Variants in CADM2 observed in about 807,000 individuals in gnomAD.
The protein encoded by CADM2 is immunoglobulin superfamily member 4D.
CADM2 carries 12 observed loss-of-function variants against 49.8 expected under a neutral mutation model. The observed-to-expected ratio is 0.24, with a 90% CI of 0.15 to 0.39. The LOEUF is 0.39. Among genes scored for constraint, CADM2 ranks in the 10% least tolerant of loss-of-function variants. The pLI is 1.00. For synonymous variants in CADM2, 214 were observed against 175.4 expected (o/e 1.22, Z -1.74); for missense variants, 378 against 492.3 (o/e 0.77, Z 2.20).
chr3:85,566,204 T>C (rs2062249110), intron 1 of CADM2, among the ~76,000 whole-genome samples: 2 of 152,176 alleles, frequency 1.3e-5, no homozygotes, highest in African/African-American at 4.8e-5. Flanking sequence ...CGATTGAGTG[T>C]GATCTTATCT....
chr3:85,741,798 T>A lies in CADM2; in HGVS notation c.88+15250T>A, dbSNP rs12487111. ...TTTAATTTTGTATTCTCCTCTTTCA[T>A]TCACTTAAAAAATAAAATTGGAACT... On this transcript the variant is annotated intron_variant, in intron 2 of 9. Transcript: ENST00000383699. 2.4e-3 allele frequency among the ~76,000 whole-genome samples: 373 copies of A among 152,350 alleles called. 1 individual carries two copies. Among genetic ancestry groups the A allele is most frequent in the Middle Eastern group, 0.017 (5 of 294 alleles).
intron 1 of CADM2, among the ~76,000 whole-genome samples, chr3:85,185,566 C>G (rs2041041686): frequency 6.6e-6 from 1 of 151,972 alleles, no homozygotes; most frequent in Admixed American, 6.6e-5. Flanking sequence ...TAATGACTTA[C>G]CTTTAGACAC....
intron 1 of CADM2, among the ~76,000 whole-genome samples, chr3:85,326,917 CTA>C (rs767272492): frequency 5.3e-5 from 8 of 151,666 alleles, no homozygotes; most frequent in Admixed American, 1.3e-4. Context: ...TAATTAATGA[CTA>C]AAAGTTTTTC....
chr3:85,041,693 C>G (rs752181682), intron 1 of CADM2, among the ~76,000 whole-genome samples: 8 of 152,146 alleles, frequency 5.3e-5, no homozygotes, highest in Non-Finnish European at 1.0e-4. Flanking sequence ...TAAACCAGAT[C>G]CAATTCAGAG....
chr3:85,064,924 T>A (rs889643608), intron 1 of CADM2, among the ~76,000 whole-genome samples: 6 of 152,170 alleles, frequency 3.9e-5, no homozygotes, highest in African/African-American at 7.2e-5. Context: ...TGTCACTAAC[T>A]GGTTGTGTTT....
chr3:85,439,071 C>T (rs1290595746), intron 1 of CADM2, among the ~76,000 whole-genome samples: 1 of 151,440 alleles, frequency 6.6e-6, no homozygotes, highest in African/African-American at 2.4e-5. Flanking sequence ...TATCATGTAA[C>T]TGGAATTCAA....
chr3:85,816,825 A>G (rs1255017296), intron 3 of CADM2, among the ~76,000 whole-genome samples: 5 of 152,198 alleles, frequency 3.3e-5, no homozygotes, highest in Non-Finnish European at 5.9e-5. Flanking sequence ...TATATGTTAA[A>G]TAATATTAGC....
intron 1 of CADM2, among the ~76,000 whole-genome samples, chr3:85,310,833 T>C (rs1241691359): frequency 6.6e-6 from 1 of 152,146 alleles, no homozygotes; most frequent in Admixed American, 6.5e-5. Flanking sequence ...CAACCTGGAA[T>C]TGGGAAAGCT....
chr3:85,566,549 A>G (rs2062263888), intron 1 of CADM2, among the ~76,000 whole-genome samples: 1 of 152,156 alleles, frequency 6.6e-6, no homozygotes, highest in Admixed American at 6.5e-5. Context: ...AAAAACTCTC[A>G]GCGTGTGGAG....
At chr3:85,633,275 T>C (rs554536088) in intron 1 of CADM2, among the ~76,000 whole-genome samples, 1 of 152,240 alleles carries the variant, frequency 6.6e-6, no homozygotes, top group South Asian at 2.1e-4. Flanking sequence ...AAACTTTGTT[T>C]CCAGATTTAT....
At chr3:85,720,030 C>G (rs887713763) in intron 1 of CADM2, among the ~76,000 whole-genome samples, 1 of 151,932 alleles carries the variant, frequency 6.6e-6, no homozygotes, top group Admixed American at 6.6e-5. Context: ...TATGAAGTAT[C>G]TAATGTTCAA....
intron 1 of CADM2, among the ~76,000 whole-genome samples, chr3:85,651,984 C>A (rs1369408954): frequency 9.5e-6 from 1 of 105,464 alleles, no homozygotes; most frequent in Non-Finnish European, 1.9e-5. Flanking sequence ...CGCCCGGCTA[C>A]TTTTTTTTTT....
intron 2 of CADM2, among the ~76,000 whole-genome samples, chr3:85,784,970 T>G (rs1043264912): frequency 1.3e-5 from 2 of 152,186 alleles, no homozygotes; most frequent in African/African-American, 4.8e-5. Flanking sequence ...TACTTTTTAT[T>G]AATCTTTTCA....
At chr3:85,879,540 G>T (rs1249028924) in intron 3 of CADM2, among the ~76,000 whole-genome samples, 1 of 152,232 alleles carries the variant, frequency 6.6e-6, no homozygotes, top group African/African-American at 2.4e-5. Context: ...TAGGGAAGGT[G>T]CAGGTAATTT....
chr3:85,179,635 T>C (rs1292136124), intron 1 of CADM2, among the ~76,000 whole-genome samples: 1 of 152,076 alleles, frequency 6.6e-6, no homozygotes. Context: ...TAGAAAATAT[T>C]CAGGATGAGG....
intron 1 of CADM2, among the ~76,000 whole-genome samples, chr3:85,006,146 C>T (rs992079840): frequency 6.6e-6 from 1 of 152,112 alleles, no homozygotes; most frequent in South Asian, 2.1e-4. Flanking sequence ...ATCAACATTG[C>T]ATGCAGCTTT....
At chr3:85,604,811 A>C (rs1233703720) in intron 1 of CADM2, among the ~76,000 whole-genome samples, 1 of 151,976 alleles carries the variant, frequency 6.6e-6, no homozygotes, top group East Asian at 1.9e-4. Flanking sequence ...TAGAGGGCTT[A>C]GGGGGAATGC....
chr3:85,429,023 A>G (rs555409577), intron 1 of CADM2, among the ~76,000 whole-genome samples: 2 of 152,108 alleles, frequency 1.3e-5, no homozygotes, highest in South Asian at 4.1e-4. Context: ...TTTTGGTTTT[A>G]GTTTACTTGA....
At chr3:85,644,263 G>C (rs1308884715) in intron 1 of CADM2, among the ~76,000 whole-genome samples, 1 of 152,142 alleles carries the variant, frequency 6.6e-6, no homozygotes, top group African/African-American at 2.4e-5. Context: ...GAGGAAGAAA[G>C]AGAAAGAGTT....
Sources: gnomAD v4.1 joint callset for allele counts (sites outside exome capture counted in the v4.1 genomes callset) on GRCh38, gnomAD v4.1.1 for gene constraint, MANE v1.5 for transcripts, NCBI Gene and HGNC (gene_info 2026-07-23, HGNC 2026-07-21) for gene names.